CERS6: variants seen among roughly 807,000 people sequenced by gnomAD.
The protein encoded by CERS6 is LAG1 homolog, ceramide synthase 6.
Under a neutral mutation model 56.8 loss-of-function variants are expected in CERS6, and 26 were observed. The ratio of observed to expected loss-of-function variants is 0.46; its 90% CI spans 0.34 to 0.63. The LOEUF is 0.63. CERS6 is among the 30% of genes least tolerant of loss of function. The pLI is 0.01. For missense variants in CERS6, 415 were observed against 467.5 expected (o/e 0.89, Z 1.04); for synonymous variants, 164 against 173.3 (o/e 0.95, Z 0.42).
At chr2:168,608,095 C>G (rs780126352) in intron 3 of CERS6, among the ~76,000 whole-genome samples, 3 of 152,180 alleles carry the variant, frequency 2.0e-5, no homozygotes, top group African/African-American at 4.8e-5. Context: ...TATTTTCTGT[C>G]GCAATAGATT....
In CERS6 at chr2:168,501,380, A is replaced by G. The variant is rs148662953; in HGVS notation, c.170+44762A>G. On this transcript the variant is annotated intron_variant, in intron 1 of 9. Transcript: ENST00000305747. The stretch of plus-strand genomic sequence containing the variant: ...TTAACTGATACCTTTTCAAGTATAC[A>G]TAGTCAATAGGTTGGAGGTCGTGAT... Among the ~76,000 whole-genome samples the G allele has an allele frequency of 6.6e-5, 10 of 152,334 alleles. No individual in the cohort carries two copies. In the East Asian group the frequency reaches 7.7e-4, roughly 12 times the overall value.
chr2:168,655,535 T>C (rs904256208), intron 4 of CERS6, among the ~76,000 whole-genome samples: 1 of 152,232 alleles, frequency 6.6e-6, no homozygotes, highest in Admixed American at 6.5e-5. Context: ...TGGAATATTA[T>C]TCAGCCTTAA....
intron 3 of CERS6, among the ~76,000 whole-genome samples, chr2:168,588,345 A>T (rs747965202): frequency 1.3e-5 from 2 of 152,066 alleles, no homozygotes; most frequent in African/African-American, 2.4e-5. Context: ...CATCACCACC[A>T]TCCATCTCTA....
chr2:168,651,058 A>C (rs563616935), intron 4 of CERS6, among the ~76,000 whole-genome samples: 1 of 152,312 alleles, frequency 6.6e-6, no homozygotes, highest in East Asian at 1.9e-4. Flanking sequence ...AAATGAATGA[A>C]GAGGTTTTCT....
chr2:168,523,417 A>G (rs1243908661), intron 1 of CERS6, among the ~76,000 whole-genome samples: 1 of 152,212 alleles, frequency 6.6e-6, no homozygotes, highest in Non-Finnish European at 1.5e-5. Context: ...TCTGATTTTC[A>G]TGATTGTCTG....
At chr2:168,469,634 A>G (rs1693941917) in intron 1 of CERS6, among the ~76,000 whole-genome samples, 1 of 152,118 alleles carries the variant, frequency 6.6e-6, no homozygotes, top group Non-Finnish European at 1.5e-5. Context: ...CAGTAAGGTG[A>G]TGTATTAGCT....
In CERS6 at chr2:168,746,343, TATC is replaced by T. The variant is rs372337040; in HGVS notation, c.846-19244_846-19242del. Among the ~76,000 whole-genome samples, 20 of 152,352 alleles carry T rather than the reference TATC, an allele frequency of 1.3e-4. No homozygotes were observed. The South Asian group carries it at 3.7e-3, about 28-fold the overall frequency. On this transcript the variant is annotated intron_variant, in intron 8 of 9. Transcript: ENST00000305747. ...TTTCTTTTAGAATTTTATTGCTACT[TATC>T]ATCAACTGCTTATTTGATAAGTTTA... is the stretch of plus-strand genomic sequence containing the variant.
chr2:168,492,131 A>G (rs1177755190), intron 1 of CERS6, among the ~76,000 whole-genome samples: 2 of 152,200 alleles, frequency 1.3e-5, no homozygotes, highest in Admixed American at 1.3e-4. Flanking sequence ...TTGGGTATAT[A>G]CCCAGTAATG....
At chr2:168,618,466 A>G (rs1193830085) in intron 3 of CERS6, among the ~76,000 whole-genome samples, 4 of 152,126 alleles carry the variant, frequency 2.6e-5, no homozygotes, top group Non-Finnish European at 5.9e-5. Flanking sequence ...TGATATGATT[A>G]TATACCTGGA....
At chr2:168,657,414 C>T (rs1056523703) in intron 4 of CERS6, among the ~76,000 whole-genome samples, 1 of 152,268 alleles carries the variant, frequency 6.6e-6, no homozygotes, top group African/African-American at 2.4e-5. Flanking sequence ...GTGGAGCTGC[C>T]TGCCAGTCCT....
At chr2:168,499,034 C>CT (rs1452186756) in intron 1 of CERS6, among the ~76,000 whole-genome samples, 1 of 152,158 alleles carries the variant, frequency 6.6e-6, no homozygotes, top group African/African-American at 2.4e-5. Context: ...GGTTTACATT[C>CT]TCCCCCTTTT....
chr2:168,481,950 A>G (rs1301561470), intron 1 of CERS6, among the ~76,000 whole-genome samples: 1 of 152,234 alleles, frequency 6.6e-6, no homozygotes, highest in African/African-American at 2.4e-5. Flanking sequence ...GAATTTTTGA[A>G]TAACTTCAGA....
chr2:168,733,370 G>A (rs1021424651), intron 8 of CERS6, among the ~76,000 whole-genome samples: 1 of 152,150 alleles, frequency 6.6e-6, no homozygotes, highest in African/African-American at 2.4e-5. Flanking sequence ...AAACAGCTAA[G>A]TGGATTTCCA....
intron 2 of CERS6, among the ~76,000 whole-genome samples, chr2:168,556,770 G>C (rs537792988): frequency 2.4e-4 from 36 of 152,104 alleles, no homozygotes; most frequent in African/African-American, 8.2e-4. Context: ...AGGGAATCTT[G>C]TGAAAAACTA....
intron 4 of CERS6, among the ~76,000 whole-genome samples, chr2:168,660,106 A>G (rs1325027668): frequency 6.6e-6 from 1 of 152,244 alleles, no homozygotes; most frequent in Non-Finnish European, 1.5e-5. Flanking sequence ...CTACATGTTT[A>G]CATGGCTGGC....
At chr2:168,741,715 T>C (rs1050357766) in intron 8 of CERS6, among the ~76,000 whole-genome samples, 11 of 152,194 alleles carry the variant, frequency 7.2e-5, no homozygotes, top group Non-Finnish European at 1.3e-4. Context: ...AAAATGTTTA[T>C]TTCAGAGCTA....
At chr2:168,652,204 G>A (rs571173735) in intron 4 of CERS6, among the ~76,000 whole-genome samples, 2 of 152,078 alleles carry the variant, frequency 1.3e-5, no homozygotes, top group Non-Finnish European at 2.9e-5. Context: ...AGGGTCACTA[G>A]TGGGTCTGTG....
At chr2:168,495,516 C>A (rs550728228) in intron 1 of CERS6, among the ~76,000 whole-genome samples, 1 of 152,244 alleles carries the variant, frequency 6.6e-6, no homozygotes, top group East Asian at 1.9e-4. Flanking sequence ...CAAACGCAAA[C>A]CTGTTAAGAC....
chr2:168,547,804 C>T (rs1695494164), intron 2 of CERS6, 103 bp downstream of exon 2: 1 of 782,394 alleles, frequency 1.3e-6, no homozygotes, highest in Admixed American at 2.1e-5. Flanking sequence ...CAACTTTTGC[C>T]TAGCCTTATG....
Sources: gnomAD v4.1 joint callset for allele counts (sites outside exome capture counted in the v4.1 genomes callset) on GRCh38, gnomAD v4.1.1 for gene constraint, MANE v1.5 for transcripts, NCBI Gene and HGNC (gene_info 2026-07-23, HGNC 2026-07-21) for gene names.